Variants in GOLPH3 observed in about 807,000 individuals in gnomAD.
GOLPH3 encodes the protein coat protein GPP34.
Under a neutral mutation model 28.5 loss-of-function variants are expected in GOLPH3, and 14 were observed. That is an observed-to-expected ratio of 0.49 (90% CI 0.32 to 0.77). The LOEUF is 0.77. GOLPH3 is among the 30% of genes least tolerant of loss of function. The probability of loss-of-function intolerance (pLI) is 0.03; values close to 1 mark genes in which losing one functional copy is unlikely to be tolerated. For missense variants in GOLPH3, 350 were observed against 393.7 expected, an observed-to-expected ratio of 0.89 and a Z score of 0.94; for synonymous variants, 158 against 159.2, an observed-to-expected ratio of 0.99 and a Z score of 0.06.
chr5:32,142,987 G>T lies in GOLPH3; in HGVS notation c.357+762C>A, dbSNP rs538502248. Among the ~76,000 whole-genome samples the T allele has an allele frequency of 3.8e-3, 582 of 152,248 alleles. 7 individuals carry two copies. The highest frequency in any genetic ancestry group is 0.013 in the African/African-American group (542 of 41,518). The stretch of plus-strand genomic sequence containing the variant: ...CACTGAGAACGGGCCATGATGACAA[G>T]GGCGGTTTTGTGGAATAGAAAGTGG... On this transcript the variant is annotated intron_variant, in intron 2 of 3. Coordinates refer to ENST00000265070, the MANE Select transcript of GOLPH3 (RefSeq NM_022130.4).
Position 32,126,195 on chromosome 5 carries a change from G to A in GOLPH3, c.*17C>T. 1 of 1,597,818 alleles carries A rather than the reference G, an allele frequency of 6.3e-7. No homozygotes were observed. The highest frequency in any genetic ancestry group is 8.6e-7 in the Non-Finnish European group (1 of 1,169,060). On this transcript the variant is annotated 3_prime_UTR_variant, in exon 4 of 4. Coordinates refer to ENST00000265070, the MANE Select transcript of GOLPH3 (RefSeq NM_022130.4). ...GGTTTACTTGAGAGAAAGGAGAATG[G>A]TTCACCCCGAGCAGAGTTACTTGGT...
At chr5:32,172,079 A>C (rs1344404052) in intron 1 of GOLPH3, among the ~76,000 whole-genome samples, 1 of 152,362 alleles carries the variant, frequency 6.6e-6, no homozygotes, top group East Asian at 1.9e-4. Context: ...CCAAAGAACA[A>C]GGAACTGCAC....
chr5:32,139,056 C>G (rs957692919), intron 2 of GOLPH3, among the ~76,000 whole-genome samples: 1 of 152,186 alleles, frequency 6.6e-6, no homozygotes, highest in African/African-American at 2.4e-5. Flanking sequence ...ACACCAGAGC[C>G]TGGGTATAGT....
intron 1 of GOLPH3, among the ~76,000 whole-genome samples, chr5:32,163,748 T>C (rs1746646922): frequency 6.6e-6 from 1 of 152,104 alleles, no homozygotes. Context: ...AATACTTGGA[T>C]TAAACGGAAC....
intron 3 of GOLPH3, among the ~76,000 whole-genome samples, chr5:32,128,721 C>T (rs548891117): frequency 6.6e-6 from 1 of 152,006 alleles, no homozygotes; most frequent in South Asian, 2.1e-4. Flanking sequence ...AACTTAGCTG[C>T]CTACCAAGAC....
rs1383842983 is a variant in GOLPH3 at position 32,160,954 on chromosome 5, C to T, written c.225+12856G>A. Among the ~76,000 whole-genome samples the T allele has an allele frequency of 6.6e-5, 10 of 150,924 alleles. No homozygotes were observed. The East Asian group carries it at 2.0e-3, about 30-fold the overall frequency. On this transcript the variant is annotated intron_variant, in intron 1 of 3. Coordinates refer to ENST00000265070, the MANE Select transcript of GOLPH3 (RefSeq NM_022130.4). Reference sequence around the variant, plus strand: ...TGGTGGCGGGTGCCTGTAGTCCCAGCTACTCGGGAGGCTGAGGCAGGAGAA... The same window carrying T: ...TGGTGGCGGGTGCCTGTAGTCCCAGTTACTCGGGAGGCTGAGGCAGGAGAA...
Position 32,126,415 on chromosome 5 carries a change from T to C in GOLPH3, c.694A>G (p.Met232Val), listed in dbSNP as rs113624836. Residue 232 changes from methionine (M) to valine (V), a missense_variant, in exon 4 of 4, where the codon ATG (methionine) becomes GTG (valine). Met to Val is a conservative substitution (Grantham distance 21). Transcript: ENST00000265070. ...LDKWVNDPHRMDRRLLALIYL... is the reference protein window; with the variant it reads ...LDKWVNDPHRVDRRLLALIYL... ...ATGAGGGCCAGCAAGCGCCTGTCCA[T>C]GCGGTGAGGGTCATTCACCCATTTG... 29 of 1,614,088 alleles carry C rather than the reference T, an allele frequency of 1.8e-5. No individual in the cohort carries two copies. The highest frequency in any genetic ancestry group is 1.7e-4 in the African/African-American group (13 of 74,926).
At chr5:32,153,009 G>C (rs527873570) in intron 1 of GOLPH3, among the ~76,000 whole-genome samples, 3 of 152,206 alleles carry the variant, frequency 2.0e-5, no homozygotes, top group South Asian at 4.1e-4. Flanking sequence ...CCATAAATAT[G>C]CAACAGTATA....
At chr5:32,166,525 C>G in intron 1 of GOLPH3, among the ~76,000 whole-genome samples, 1 of 152,242 alleles carries the variant, frequency 6.6e-6, no homozygotes, top group Admixed American at 6.5e-5. Flanking sequence ...TACTAAAAAG[C>G]AGCAGCATGG....
chr5:32,169,042 A>G (rs1746775498), intron 1 of GOLPH3, among the ~76,000 whole-genome samples: 1 of 151,890 alleles, frequency 6.6e-6, no homozygotes. Context: ...GGGAGACTGA[A>G]GCGGGAGGAT....
chr5:32,149,811 A>C (rs1248670523), intron 1 of GOLPH3, among the ~76,000 whole-genome samples: 2 of 152,206 alleles, frequency 1.3e-5, no homozygotes, highest in Admixed American at 1.3e-4. Flanking sequence ...AGCCTGGCCA[A>C]GGCGGCAAAA....
Position 32,136,502 on chromosome 5 carries a change from C to T in GOLPH3, c.358-816G>A, listed in dbSNP as rs894576383. Among the ~76,000 whole-genome samples the T allele has an allele frequency of 2.6e-5, 4 of 151,226 alleles. 1 individual carries two copies. The highest frequency in any genetic ancestry group is 2.1e-4 in the South Asian group (1 of 4,794). On this transcript the variant is annotated intron_variant, in intron 2 of 3. Coordinates refer to ENST00000265070, the MANE Select transcript of GOLPH3 (RefSeq NM_022130.4). ...GACTTAAAAAAAAAAAAAAAAGCTA[C>T]TGTGCAATAATTAGTAAAGCAACAT...
At chr5:32,146,532 G>A (rs1746182626) in intron 1 of GOLPH3, among the ~76,000 whole-genome samples, 1 of 152,114 alleles carries the variant, frequency 6.6e-6, no homozygotes. Flanking sequence ...CCCTAAAACT[G>A]CCAACACTGA....
chr5:32,155,040 A>G (rs1442324775), intron 1 of GOLPH3, among the ~76,000 whole-genome samples: 1 of 151,342 alleles, frequency 6.6e-6, no homozygotes, highest in Non-Finnish European at 1.5e-5. Context: ...CAGAGGTTAC[A>G]GTGACCCAAG....
intron 2 of GOLPH3, among the ~76,000 whole-genome samples, chr5:32,141,741 G>A (rs980010047): frequency 4.6e-5 from 7 of 152,156 alleles, no homozygotes; most frequent in Admixed American, 2.0e-4. Context: ...GCCTGCGATT[G>A]CAGGCGCGCG....
chr5:32,135,726 C>T (rs1410301699), intron 2 of GOLPH3, 40 bp from the exon 3 acceptor site: 4 of 1,201,984 alleles, frequency 3.3e-6, no homozygotes, highest in Non-Finnish European at 5.0e-6. Flanking sequence ...TCCACGAATG[C>T]CTTTTCTGAG....
chr5:32,142,599 T>TG (rs1188297621), intron 2 of GOLPH3, among the ~76,000 whole-genome samples: 6 of 97,684 alleles, frequency 6.1e-5, no homozygotes, highest in Admixed American at 1.1e-4. Flanking sequence ...GGGAGGGAGG[T>TG]GGGGGGGTCA....
chr5:32,148,860 AGCT>A (rs2111865764), intron 1 of GOLPH3, among the ~76,000 whole-genome samples: 1 of 152,370 alleles, frequency 6.6e-6, no homozygotes, highest in Admixed American at 6.5e-5. Context: ...CTGTAATCCC[AGCT>A]ACTCAGGAGG....
chr5:32,167,589 G>T (rs1404750733), intron 1 of GOLPH3, among the ~76,000 whole-genome samples: 1 of 152,104 alleles, frequency 6.6e-6, no homozygotes, highest in Non-Finnish European at 1.5e-5. Context: ...TGAATATTTT[G>T]ACCATATTGT....
Sources: allele counts gnomAD v4.1 joint callset (sites outside exome capture counted in the v4.1 genomes callset), GRCh38; gene constraint gnomAD v4.1.1; transcripts MANE v1.5; gene names NCBI Gene and HGNC (gene_info 2026-07-23, HGNC 2026-07-21).